MSRA: variants seen among roughly 807,000 people sequenced by gnomAD.
MSRA encodes mitochondrial peptide methionine sulfoxide reductase.
In MSRA, 54 loss-of-function variants were observed where a neutral mutation model predicts 31.3. The ratio of observed to expected loss-of-function variants is 1.73; its 90% CI spans 1.39 to 2.17. The LOEUF is 2.17. MSRA is among the 30% of genes most tolerant of loss of function. The pLI is 0.00. For missense variants in MSRA, 507 were observed against 300.9 expected, an observed-to-expected ratio of 1.69 and a Z score of -5.07; for synonymous variants, 169 against 116.5, an observed-to-expected ratio of 1.45 and a Z score of -2.90.
At chr8:10,215,524 G>T (rs1169477084) in intron 2 of MSRA, among the ~76,000 whole-genome samples, 1 of 152,162 alleles carries the variant, frequency 6.6e-6, no homozygotes, top group Non-Finnish European at 1.5e-5. Flanking sequence ...AACATCACTA[G>T]GCTCTATGGG....
At chr8:10,335,681 G>A (rs114160226) in intron 5 of MSRA, among the ~76,000 whole-genome samples, 1,992 of 152,302 alleles carry the variant, frequency 0.013, 48 homozygotes, top group African/African-American at 0.045. Context: ...CCTGCTGAGT[G>A]AGAAAGAGAG....
chr8:10,087,017 C>T (rs936079573), intron 1 of MSRA, among the ~76,000 whole-genome samples: 1 of 152,112 alleles, frequency 6.6e-6, no homozygotes, highest in Non-Finnish European at 1.5e-5. Context: ...GGAAGTTTAT[C>T]TTCTATGACA....
chr8:10,183,161 C>G (rs1348980036), intron 1 of MSRA, among the ~76,000 whole-genome samples: 2 of 152,128 alleles, frequency 1.3e-5, no homozygotes, highest in Non-Finnish European at 2.9e-5. Context: ...CTCTTGAGGA[C>G]TATTTGCCTT....
At chr8:10,182,472 A>C (rs557085228) in intron 1 of MSRA, among the ~76,000 whole-genome samples, 1 of 152,338 alleles carries the variant, frequency 6.6e-6, no homozygotes, top group Admixed American at 6.5e-5. Context: ...ATGTTAGATA[A>C]GGTGGAGAGC....
intron 5 of MSRA, among the ~76,000 whole-genome samples, chr8:10,390,563 C>T (rs1011413790): frequency 1.3e-5 from 2 of 152,164 alleles, no homozygotes; most frequent in Non-Finnish European, 2.9e-5. Context: ...CTAGTGAAAT[C>T]GTCGTACATC....
At chr8:10,227,133 G>A (rs959128829) in intron 2 of MSRA, among the ~76,000 whole-genome samples, 18 of 152,290 alleles carry the variant, frequency 1.2e-4, no homozygotes, top group Non-Finnish European at 8.8e-5. Context: ...CAGATAGTGA[G>A]TAGATCCTAA....
chr8:10,327,875 G>T (rs1489885939), intron 5 of MSRA, among the ~76,000 whole-genome samples: 1 of 152,104 alleles, frequency 6.6e-6, no homozygotes, highest in Non-Finnish European at 1.5e-5. Context: ...GGAGCTTGCA[G>T]TGAGCTGAGA....
chr8:10,337,508 A>G (rs1179443913), intron 5 of MSRA: 1 of 567,950 alleles, frequency 1.8e-6, no homozygotes, highest in Non-Finnish European at 3.1e-6. Flanking sequence ...GATGAATCCA[A>G]AAAGACTGTG....
chr8:10,193,808 C>G (rs1295442389), intron 1 of MSRA, among the ~76,000 whole-genome samples: 2 of 152,150 alleles, frequency 1.3e-5, no homozygotes, highest in Non-Finnish European at 2.9e-5. Context: ...CTCAGAATGA[C>G]AGGTCCTTAG....
chr8:10,399,718 AGGAGGGTGCAAT>A (rs1807325007), intron 5 of MSRA, among the ~76,000 whole-genome samples: 1 of 152,292 alleles, frequency 6.6e-6, no homozygotes, highest in African/African-American at 2.4e-5. Flanking sequence ...AGCCCTATAT[AGGAGGGTGCAAT>A]GGATGGTGGT....
intron 5 of MSRA, among the ~76,000 whole-genome samples, chr8:10,384,685 T>A (rs1462181598): frequency 1.3e-5 from 2 of 152,156 alleles, no homozygotes; most frequent in Non-Finnish European, 2.9e-5. Context: ...AGGACTCAGA[T>A]TGGAGTCCTA....
chr8:10,078,164 G>C (rs1798089444), intron 1 of MSRA, among the ~76,000 whole-genome samples: 1 of 152,146 alleles, frequency 6.6e-6, no homozygotes, highest in African/African-American at 2.4e-5. Flanking sequence ...GATGGGGAGA[G>C]GTGAGCACTA....
chr8:10,244,173 G>A (rs995117994), intron 2 of MSRA, among the ~76,000 whole-genome samples: 12 of 152,094 alleles, frequency 7.9e-5, no homozygotes, highest in Admixed American at 1.3e-4. Context: ...TCAGTTATAC[G>A]TAACTTCATA....
chr8:10,259,105 GA>G (rs374191943), intron 3 of MSRA, among the ~76,000 whole-genome samples: 331 of 134,928 alleles, frequency 2.5e-3, no homozygotes, highest in African/African-American at 5.0e-3. Flanking sequence ...TCTGTCAAAG[GA>G]AAAAAAAAAA....
intron 5 of MSRA, among the ~76,000 whole-genome samples, chr8:10,335,918 C>A (rs768713795): frequency 5.3e-5 from 8 of 152,144 alleles, no homozygotes; most frequent in Non-Finnish European, 1.0e-4. Flanking sequence ...CCACATGATA[C>A]GTACATGGGG....
chr8:10,096,372 G>A, intron 1 of MSRA: 1 of 934,108 alleles, frequency 1.1e-6, no homozygotes, highest in Non-Finnish European at 1.3e-6. Flanking sequence ...ATTTTTGGGA[G>A]GTGGGTGGGG....
At chr8:10,360,343 C>T (rs1241342552) in intron 5 of MSRA, among the ~76,000 whole-genome samples, 6 of 152,326 alleles carry the variant, frequency 3.9e-5, no homozygotes, top group Middle Eastern at 3.4e-3. Flanking sequence ...AAACAAAAAA[C>T]ATGCCTTGTG....
At chr8:10,309,175 T>G (rs1801298964) in intron 4 of MSRA, among the ~76,000 whole-genome samples, 1 of 152,256 alleles carries the variant, frequency 6.6e-6, no homozygotes, top group South Asian at 2.1e-4. Flanking sequence ...AATCACATGT[T>G]TAATTGTTTA....
At chr8:10,254,329 T>C (rs1798067792) in intron 3 of MSRA, among the ~76,000 whole-genome samples, 1 of 152,226 alleles carries the variant, frequency 6.6e-6, no homozygotes, top group African/African-American at 2.4e-5. Flanking sequence ...CTCTTCCTCC[T>C]GCTTCCCCTC....
Sources: allele counts gnomAD v4.1 joint callset (sites outside exome capture counted in the v4.1 genomes callset), GRCh38; gene constraint gnomAD v4.1.1; transcripts MANE v1.5; gene names NCBI Gene and HGNC (gene_info 2026-07-23, HGNC 2026-07-21).